CNTN4: variants seen among roughly 807,000 people sequenced by gnomAD.
CNTN4 encodes contactin-4.
CNTN4 carries 77 observed loss-of-function variants against 122.5 expected under a neutral mutation model. The ratio of observed to expected loss-of-function variants is 0.63; its 90% CI spans 0.52 to 0.76. The LOEUF is 0.76. Ranked by LOEUF, CNTN4 falls within the 30% of genes least tolerant of loss-of-function variation. The pLI, the probability that CNTN4 is intolerant of heterozygous loss-of-function variation, is 0.00. For synonymous variants in CNTN4, 512 were observed against 447.0 expected, an observed-to-expected ratio of 1.15 and a Z score of -1.83; for missense variants, 1,256 against 1,259.1, an observed-to-expected ratio of 1.00 and a Z score of 0.04.
At chr3:2,375,945 C>T (rs7639230) in intron 3 of CNTN4, among the ~76,000 whole-genome samples, 1 of 152,116 alleles carries the variant, frequency 6.6e-6, no homozygotes, top group Non-Finnish European at 1.5e-5. Flanking sequence ...AGAAAACCCT[C>T]TGCTGTTCTC....
At chr3:2,287,340 G>A (rs566528059) in intron 2 of CNTN4, among the ~76,000 whole-genome samples, 6 of 152,040 alleles carry the variant, frequency 3.9e-5, no homozygotes, top group East Asian at 3.9e-4. Flanking sequence ...AGTGGTGCAC[G>A]CCTGTTATCC....
intron 3 of CNTN4, among the ~76,000 whole-genome samples, chr3:2,423,438 A>AAGC (rs1387846477): frequency 2.6e-5 from 4 of 151,816 alleles, no homozygotes; most frequent in African/African-American, 2.4e-5. Flanking sequence ...TCGATGCTGC[A>AAGC]AGCAGGAAGT....
intron 13 of CNTN4, among the ~76,000 whole-genome samples, chr3:2,953,992 C>T (rs927523362): frequency 6.6e-6 from 1 of 152,132 alleles, no homozygotes; most frequent in Non-Finnish European, 1.5e-5. Context: ...TTAGGAATCA[C>T]CTTTTGGTTT....
intron 4 of CNTN4, among the ~76,000 whole-genome samples, chr3:2,706,182 G>A (rs1411824408): frequency 6.6e-6 from 1 of 151,246 alleles, no homozygotes; most frequent in African/African-American, 2.4e-5. Flanking sequence ...TTATAGAATA[G>A]GGGGAAAACC....
intron 7 of CNTN4, among the ~76,000 whole-genome samples, chr3:2,830,553 AAG>A (rs2093082382): frequency 6.6e-6 from 1 of 152,182 alleles, no homozygotes; most frequent in Non-Finnish European, 1.5e-5. Flanking sequence ...TTGGGACATG[AAG>A]AGTCTGGAGA....
At chr3:3,022,774 AT>A (rs1309400978) in intron 14 of CNTN4, among the ~76,000 whole-genome samples, 1 of 152,144 alleles carries the variant, frequency 6.6e-6, no homozygotes, top group Non-Finnish European at 1.5e-5. Context: ...AAATATATAG[AT>A]TTTTAAGCAT....
At chr3:2,663,761 G>T (rs555121943) in intron 4 of CNTN4, among the ~76,000 whole-genome samples, 1 of 152,232 alleles carries the variant, frequency 6.6e-6, no homozygotes, top group African/African-American at 2.4e-5. Flanking sequence ...CCATCAGCTG[G>T]TGAATGCATG....
At chr3:2,550,470 A>G (rs564235112) in intron 3 of CNTN4, among the ~76,000 whole-genome samples, 48 of 152,280 alleles carry the variant, frequency 3.2e-4, no homozygotes, top group Non-Finnish European at 3.2e-4. Flanking sequence ...GAGAGGATGC[A>G]GAGAAATAGG....
chr3:2,332,436 C>G (rs536325635), intron 2 of CNTN4, among the ~76,000 whole-genome samples: 1 of 152,080 alleles, frequency 6.6e-6, no homozygotes, highest in Non-Finnish European at 1.5e-5. Context: ...CCCAGTAACT[C>G]TGAGAAGAGT....
intron 3 of CNTN4, among the ~76,000 whole-genome samples, chr3:2,530,055 G>C (rs1014146405): frequency 1.3e-5 from 2 of 152,056 alleles, no homozygotes; most frequent in African/African-American, 2.4e-5. Flanking sequence ...TTCCTCCCTG[G>C]CAGTGGAATC....
In CNTN4 at chr3:2,933,796, A is replaced by G. The variant is rs570037291; in HGVS notation, c.1358+8017A>G. Among the ~76,000 whole-genome samples the G allele has an allele frequency of 7.9e-5, 12 of 152,344 alleles. No individual in the cohort carries two copies. In the East Asian group the frequency reaches 2.3e-3, roughly 29 times the overall value. On this transcript the variant is annotated intron_variant, in intron 13 of 24. Transcript: ENST00000418658. ...GAAGTATAGATCTGAGTTCTGGAAT[A>G]GAGACAGAGATACAGACATCAGTAG...
intron 4 of CNTN4, among the ~76,000 whole-genome samples, chr3:2,695,828 T>A (rs375098931): frequency 1.3e-5 from 2 of 152,040 alleles, no homozygotes; most frequent in African/African-American, 4.8e-5. Context: ...CAGAGTTGAG[T>A]CTGAAATTAT....
At chr3:3,016,543 A>G (rs1199072947) in intron 14 of CNTN4, among the ~76,000 whole-genome samples, 2 of 152,210 alleles carry the variant, frequency 1.3e-5, no homozygotes, top group Non-Finnish European at 2.9e-5. Context: ...AAGACAGATT[A>G]TATCTTGCTT....
chr3:2,351,490 T>G (rs1334038763), intron 3 of CNTN4, among the ~76,000 whole-genome samples: 1 of 152,160 alleles, frequency 6.6e-6, no homozygotes, highest in African/African-American at 2.4e-5. Flanking sequence ...TAGTTGTATT[T>G]GAAAGAAAAA....
rs893389953 is a variant in CNTN4, at chr3:2,554,931, T to A, written c.-88-16485T>A. ...ATGAAAAAGTAAATCTAGGAAATGC[T>A]GCACAGAATGCCTTTCTTCTTACAC... On this transcript the variant is annotated intron_variant, in intron 3 of 24. Coordinates refer to ENST00000418658, the MANE Select transcript of CNTN4 (RefSeq NM_175607.3). Among the ~76,000 whole-genome samples, 9 of 152,222 alleles carry A rather than the reference T, an allele frequency of 5.9e-5. No individual in the cohort carries two copies. In the East Asian group the frequency reaches 1.2e-3, roughly 20 times the overall value.
intron 16 of CNTN4, among the ~76,000 whole-genome samples, chr3:3,031,944 G>C (rs1051284394): frequency 1.3e-5 from 2 of 152,188 alleles, no homozygotes; most frequent in Non-Finnish European, 2.9e-5. Flanking sequence ...CATGCACAGA[G>C]AACAAGGTAT....
chr3:2,909,717 TG>T (rs2151208703), intron 12 of CNTN4, among the ~76,000 whole-genome samples: 1 of 152,346 alleles, frequency 6.6e-6, no homozygotes, highest in African/African-American at 2.4e-5. Context: ...CCTAAAATAT[TG>T]ATTATCAGGC....
intron 13 of CNTN4, among the ~76,000 whole-genome samples, chr3:2,937,035 C>A (rs1255584815): frequency 6.6e-6 from 1 of 152,154 alleles, no homozygotes; most frequent in East Asian, 1.9e-4. Context: ...AAAAGTTTGC[C>A]AAACTCTGAT....
chr3:2,614,748 C>T (rs761962392), intron 4 of CNTN4, among the ~76,000 whole-genome samples: 1 of 151,994 alleles, frequency 6.6e-6, no homozygotes, highest in Non-Finnish European at 1.5e-5. Flanking sequence ...ATAGAGATGC[C>T]TGTCAGACAT....
Sources: allele counts gnomAD v4.1 joint callset (sites outside exome capture counted in the v4.1 genomes callset), GRCh38; gene constraint gnomAD v4.1.1; transcripts MANE v1.5; gene names NCBI Gene and HGNC (gene_info 2026-07-23, HGNC 2026-07-21).